The following TSC22D1 variants were observed in gnomAD, a reference collection of about 807,000 sequenced individuals.
The protein encoded by TSC22D1 is TSC22 domain family member 1, also known as TSC22 domain family protein 1.
In TSC22D1, 9 loss-of-function variants were observed where a neutral mutation model predicts 74.2. The ratio of observed to expected loss-of-function variants is 0.12; its 90% CI spans 0.07 to 0.21. The LOEUF (loss-of-function observed/expected upper bound fraction) is 0.21. Ranked by LOEUF, TSC22D1 falls within the 10% of genes least tolerant of loss-of-function variation. The pLI, the probability that TSC22D1 is intolerant of heterozygous loss-of-function variation, is 1.00. For missense variants in TSC22D1, 1,427 were observed against 1,304.7 expected, an observed-to-expected ratio of 1.09 and a Z score of -1.44; for synonymous variants, 586 against 492.5, an observed-to-expected ratio of 1.19 and a Z score of -2.51.
At chr13:44,436,682 T>C in intron 1 of TSC22D1, 1 of 1,557,028 alleles carries the variant, frequency 6.4e-7, no homozygotes, top group South Asian at 1.2e-5. Flanking sequence ...ACCAGCAGCC[T>C]TGTATAAGCT....
intron 1 of TSC22D1, among the ~76,000 whole-genome samples, chr13:44,558,939 T>C (rs1350216711): frequency 6.6e-6 from 1 of 152,132 alleles, no homozygotes; most frequent in Non-Finnish European, 1.5e-5. Context: ...AACCTCAAAA[T>C]AGGTAAAATT....
intron 1 of TSC22D1, among the ~76,000 whole-genome samples, chr13:44,520,985 G>C (rs1438481262): frequency 6.6e-6 from 1 of 152,108 alleles, no homozygotes; most frequent in Non-Finnish European, 1.5e-5. Flanking sequence ...GTGTTTATTA[G>C]TCCCTTTGCA....
chr13:44,481,045 G>A (rs1386958765), intron 1 of TSC22D1, among the ~76,000 whole-genome samples: 2 of 152,178 alleles, frequency 1.3e-5, no homozygotes, highest in Admixed American at 1.3e-4. Context: ...AAGAGAGCTG[G>A]GGAGAGAAGC....
chr13:44,485,627 A>G (rs570421558), intron 1 of TSC22D1, among the ~76,000 whole-genome samples: 26 of 152,252 alleles, frequency 1.7e-4, no homozygotes, highest in African/African-American at 6.3e-4. Flanking sequence ...TTTTCAGATA[A>G]GCATAAAAGT....
intron 1 of TSC22D1, among the ~76,000 whole-genome samples, chr13:44,439,220 G>A (rs1269770289): frequency 6.6e-6 from 1 of 152,146 alleles, no homozygotes; most frequent in Non-Finnish European, 1.5e-5. Flanking sequence ...AAATTGCAAG[G>A]AACATCCTTC....
intron 1 of TSC22D1, chr13:44,538,155 A>G (rs1462412048): frequency 1.0e-6 from 1 of 985,192 alleles, no homozygotes; most frequent in Non-Finnish European, 1.2e-6. Flanking sequence ...GTTTTGTGAC[A>G]GTACCAAACT....
chr13:44,437,482 A>G (rs776487814), intron 1 of TSC22D1: 2 of 156,426 alleles, frequency 1.3e-5, no homozygotes, highest in Non-Finnish European at 2.8e-5. Context: ...GAAACAAAAC[A>G]AAAAACATTA....
In TSC22D1 at chr13:44,433,889, G is replaced by A; in HGVS notation, c.*737C>T. 8.0e-7 allele frequency: 1 copy of A among 1,248,084 alleles called. No homozygotes were observed. Among genetic ancestry groups the A allele is most frequent in the East Asian group, 2.8e-5 (1 of 35,698 alleles). The allele number at this position is 1,248,084 out of a possible 1,614,324, so 77.3% of individuals were successfully genotyped here. ...ATAAAAGTCCACACCTCCTCAGACA[G>A]CCAATGAAACAACTAAATTTCAATC... is the stretch of plus-strand genomic sequence containing the variant. On this transcript the variant is annotated 3_prime_UTR_variant, in exon 3 of 3. Transcript: ENST00000458659.
At chr13:44,474,266 G>A (rs1483141490) in intron 1 of TSC22D1, 2 of 985,248 alleles carry the variant, frequency 2.0e-6, no homozygotes, top group Non-Finnish European at 1.2e-6. Context: ...TACAGACTAT[G>A]GTGGCTTTCT....
intron 1 of TSC22D1, among the ~76,000 whole-genome samples, chr13:44,553,146 C>T (rs531913551): frequency 1.8e-4 from 28 of 152,272 alleles, no homozygotes; most frequent in African/African-American, 6.0e-4. Context: ...ATGAAGCAAA[C>T]GAACATTTCT....
At position 44,512,071 on chromosome 13, in the gene TSC22D1, C is replaced by A. The variant is rs1370021768; in HGVS notation, c.2912+61092G>T. Among the ~76,000 whole-genome samples the A allele has an allele frequency of 5.3e-5, 8 of 152,346 alleles. No individual in the cohort carries two copies. The South Asian group carries it at 8.3e-4, about 16-fold the overall frequency. ...AGATGACAGCTCCCACCATCAACAT[C>A]TTCATTTCAGAATTGTATCCCAATC... On this transcript the variant is annotated intron_variant, in intron 1 of 2. Coordinates refer to ENST00000458659, the MANE Select transcript of TSC22D1 (RefSeq NM_183422.4).
At chr13:44,470,740 T>C (rs952612828) in intron 1 of TSC22D1, among the ~76,000 whole-genome samples, 4 of 152,188 alleles carry the variant, frequency 2.6e-5, no homozygotes, top group African/African-American at 9.6e-5. Context: ...AAAGCAGCCA[T>C]GTTGTACCAC....
chr13:44,517,859 T>TA (rs1566149994), intron 1 of TSC22D1, among the ~76,000 whole-genome samples: 87 of 14,188 alleles, frequency 6.1e-3, no homozygotes, highest in Non-Finnish European at 7.4e-3. Flanking sequence ...ATATATATAT[T>TA]TTTTTTTTTT....
chr13:44,455,690 T>C (rs959460882), intron 1 of TSC22D1, among the ~76,000 whole-genome samples: 2 of 152,188 alleles, frequency 1.3e-5, no homozygotes, highest in Non-Finnish European at 2.9e-5. Flanking sequence ...TTGCTTTGGA[T>C]AGTTTCAAGA....
At chr13:44,490,696 G>A (rs1485149089) in intron 1 of TSC22D1, among the ~76,000 whole-genome samples, 1 of 151,866 alleles carries the variant, frequency 6.6e-6, no homozygotes, top group Non-Finnish European at 1.5e-5. Flanking sequence ...TCGGGAGTTC[G>A]AGACCAGCCT....
chr13:44,559,898 G>A (rs1016956682), intron 1 of TSC22D1, among the ~76,000 whole-genome samples: 18 of 151,678 alleles, frequency 1.2e-4, no homozygotes, highest in African/African-American at 3.9e-4. Context: ...CACCATGTTG[G>A]CCAGGCTGGT....
rs991445732 is a variant in TSC22D1, at chr13:44,520,360, C to G, written c.2912+52803G>C. The stretch of plus-strand genomic sequence containing the variant: ...AATGCTGCTGAGGGTACACATATGA[C>G]TAGATACAAAGCTGTCCACTTGATC... On this transcript the variant is annotated intron_variant, in intron 1 of 2. Coordinates refer to ENST00000458659, the MANE Select transcript of TSC22D1 (RefSeq NM_183422.4). Among the ~76,000 whole-genome samples the G allele has an allele frequency of 3.9e-5, 6 of 152,176 alleles. 1 individual carries two copies. The Middle Eastern group carries it at 0.014, about 345-fold the overall frequency.
At chr13:44,502,993 G>T (rs557757560) in intron 1 of TSC22D1, among the ~76,000 whole-genome samples, 119 of 152,164 alleles carry the variant, frequency 7.8e-4, no homozygotes, top group Non-Finnish European at 1.3e-3. Flanking sequence ...GCTCACAAAA[G>T]GTATTCAAAA....
At chr13:44,553,349 T>A (rs1311188734) in intron 1 of TSC22D1, among the ~76,000 whole-genome samples, 2 of 152,190 alleles carry the variant, frequency 1.3e-5, no homozygotes, top group African/African-American at 4.8e-5. Context: ...AATACTATTT[T>A]TTTTTTTCAC....
Sources: gnomAD v4.1 joint callset for allele counts (sites outside exome capture counted in the v4.1 genomes callset) on GRCh38, gnomAD v4.1.1 for gene constraint, MANE v1.5 for transcripts, NCBI Gene and HGNC (gene_info 2026-07-23, HGNC 2026-07-21) for gene names.